Variants in PPFIA2 observed in about 807,000 individuals in gnomAD.
PPFIA2 encodes the protein PPFI scaffold protein A2.
In PPFIA2, 46 loss-of-function variants were observed where a neutral mutation model predicts 175.5. The ratio of observed to expected loss-of-function variants is 0.26; its 90% confidence interval spans 0.21 to 0.34. The LOEUF is 0.34. Ranked by LOEUF, PPFIA2 falls within the 10% of genes least tolerant of loss-of-function variation. PPFIA2 has a pLI of 1.00. For missense variants in PPFIA2, 1,179 were observed against 1,506.1 expected (o/e 0.78, Z 3.60); for synonymous variants, 568 against 511.4 (o/e 1.11, Z -1.49).
At chr12:81,751,917 T>C (rs1252581746) in intron 3 of PPFIA2, among the ~76,000 whole-genome samples, 1 of 151,778 alleles carries the variant, frequency 6.6e-6, no homozygotes, top group Non-Finnish European at 1.5e-5. Flanking sequence ...AATAGTCACC[T>C]TTTTTTTACA....
intron 2 of PPFIA2, among the ~76,000 whole-genome samples, chr12:81,756,801 A>G (rs1466810554): frequency 6.6e-6 from 1 of 152,180 alleles, no homozygotes; most frequent in African/African-American, 2.4e-5. Context: ...TGTAGAAACA[A>G]TATTTTACCT....
intron 18 of PPFIA2, among the ~76,000 whole-genome samples, chr12:81,347,217 C>T (rs74956496): frequency 3.3e-5 from 5 of 151,874 alleles, no homozygotes; most frequent in East Asian, 1.9e-4. Context: ...CCTCCAAAAG[C>T]GCTAGGATTA....
At chr12:81,652,938 C>CT (rs1433509700) in intron 4 of PPFIA2, among the ~76,000 whole-genome samples, 1 of 151,980 alleles carries the variant, frequency 6.6e-6, no homozygotes, top group Non-Finnish European at 1.5e-5. Context: ...CAGTAGTTCC[C>CT]CAGACTTAGG....
chr12:81,451,522 A>G (rs949218034), intron 5 of PPFIA2, among the ~76,000 whole-genome samples: 1 of 152,182 alleles, frequency 6.6e-6, no homozygotes, highest in African/African-American at 2.4e-5. Flanking sequence ...AGACTGTCTG[A>G]AAGCTCAGTT....
At chr12:81,709,306 C>A (rs1452467410) in intron 3 of PPFIA2, among the ~76,000 whole-genome samples, 1 of 152,050 alleles carries the variant, frequency 6.6e-6, no homozygotes, top group Non-Finnish European at 1.5e-5. Flanking sequence ...CACCACTTCC[C>A]CTAATGTAGG....
chr12:81,733,011 C>A (rs918628410), intron 3 of PPFIA2, among the ~76,000 whole-genome samples: 2 of 151,434 alleles, frequency 1.3e-5, no homozygotes, highest in African/African-American at 2.4e-5. Context: ...CAGTAAAAAG[C>A]AAACAACTTT....
chr12:81,376,625 A>G (rs2036426394), intron 9 of PPFIA2, among the ~76,000 whole-genome samples: 1 of 152,208 alleles, frequency 6.6e-6, no homozygotes, highest in African/African-American at 2.4e-5. Flanking sequence ...AATAGAATTT[A>G]TAGATAGTAA....
intron 4 of PPFIA2, among the ~76,000 whole-genome samples, chr12:81,563,724 A>G (rs2070685580): frequency 6.6e-6 from 1 of 152,196 alleles, no homozygotes; most frequent in Non-Finnish European, 1.5e-5. Context: ...AAATCTTAGC[A>G]TCTATGATGA....
Position 81,417,841 on chromosome 12 carries a change from C to T in PPFIA2, c.646-11938G>A, listed in dbSNP as rs570107607. Among the ~76,000 whole-genome samples the T allele has an allele frequency of 1.0e-3, 157 of 151,850 alleles. 1 individual carries two copies. Among genetic ancestry groups the T allele is most frequent in the African/African-American group, 3.3e-3 (139 of 41,536 alleles). ...AGATTTACAGAGAATAGTGATAATT[C>T]TATTTGTCTCCAACAAATTGCCATC... is the stretch of plus-strand genomic sequence containing the variant. On this transcript the variant is annotated intron_variant, in intron 7 of 32. Coordinates refer to ENST00000549396, the MANE Select transcript of PPFIA2 (RefSeq NM_003625.5).
At chr12:81,759,099 C>G (rs1378083396) in intron 1 of PPFIA2, 181 bp downstream of exon 1, 3 of 152,104 alleles carry the variant, frequency 2.0e-5, no homozygotes. Flanking sequence ...GCTCCCGTGT[C>G]TCGTTTCACT....
At position 81,383,745 on chromosome 12, in the gene PPFIA2, G is replaced by T. The variant is rs533519946; in HGVS notation, c.984+278C>A. On this transcript the variant is annotated intron_variant, in intron 9 of 32. Coordinates refer to ENST00000549396, the MANE Select transcript of PPFIA2 (RefSeq NM_003625.5). The stretch of plus-strand genomic sequence containing the variant: ...TATCTAGAGTTATTTAAAATTAAAA[G>T]CTTACATTTAAAAAATTTTATTAAC... Among the ~76,000 whole-genome samples the T allele has an allele frequency of 1.1e-4, 16 of 152,086 alleles. No individual in the cohort carries two copies. The South Asian group carries it at 3.3e-3, about 32-fold the overall frequency.
chr12:81,592,237 A>C (rs1165062383), intron 4 of PPFIA2, among the ~76,000 whole-genome samples: 1 of 152,148 alleles, frequency 6.6e-6, no homozygotes, highest in Non-Finnish European at 1.5e-5. Context: ...GTATTTAGGA[A>C]GTATGCAACT....
chr12:81,399,605 T>C (rs953130514), intron 8 of PPFIA2, among the ~76,000 whole-genome samples: 4 of 152,122 alleles, frequency 2.6e-5, no homozygotes, highest in African/African-American at 7.2e-5. Context: ...GGATAAGCCA[T>C]GGAAGATCCT....
intron 4 of PPFIA2, among the ~76,000 whole-genome samples, chr12:81,608,469 G>T (rs994708159): frequency 7.2e-5 from 11 of 151,972 alleles, no homozygotes; most frequent in African/African-American, 2.7e-4. Flanking sequence ...TTGAACTTCA[G>T]AACTTGTTAT....
At chr12:81,445,223 GGAGAGAGA>G (rs1191653426) in intron 6 of PPFIA2, among the ~76,000 whole-genome samples, 11 of 62,776 alleles carry the variant, frequency 1.8e-4, no homozygotes, top group South Asian at 1.4e-3. Context: ...GGGGGAGGGG[GGAGAGAGA>G]GAGAGAGAGA....
intron 4 of PPFIA2, among the ~76,000 whole-genome samples, chr12:81,661,673 T>G (rs1374640999): frequency 1.3e-5 from 2 of 152,122 alleles, no homozygotes; most frequent in African/African-American, 4.8e-5. Flanking sequence ...ATCCAGGAAT[T>G]GAACTCAGCT....
At chr12:81,526,887 A>C (rs1033585464) in intron 4 of PPFIA2, among the ~76,000 whole-genome samples, 15 of 152,142 alleles carry the variant, frequency 9.9e-5, no homozygotes, top group African/African-American at 2.4e-5. Flanking sequence ...CTCATAACAG[A>C]TTTGTACCTA....
intron 4 of PPFIA2, among the ~76,000 whole-genome samples, chr12:81,529,270 A>G (rs2153275996): frequency 6.6e-6 from 1 of 152,190 alleles, no homozygotes; most frequent in East Asian, 1.9e-4. Context: ...CATGAAGTAT[A>G]AAAACAAAGT....
At position 81,676,878 on chromosome 12, in the gene PPFIA2, T is replaced by G. The variant is rs370032004; in HGVS notation, c.250-34A>C. 6 of 1,479,104 alleles carry G rather than the reference T, an allele frequency of 4.1e-6. No individual in the cohort carries two copies. In the African/African-American group the frequency reaches 5.7e-5, roughly 14 times the overall value. The allele number at this position is 1,479,104 out of a possible 1,614,324, so 91.6% of individuals were successfully genotyped here. ...GGGAGAGGTGTTGATTGTAAAGTGC[T>G]ACTCAACAGCATGAAGAATCCCCCA... On this transcript the variant is annotated intron_variant, in intron 3 of 32. Coordinates refer to ENST00000549396, the MANE Select transcript of PPFIA2 (RefSeq NM_003625.5).
Sources: gnomAD v4.1 joint callset for allele counts (sites outside exome capture counted in the v4.1 genomes callset) on GRCh38, gnomAD v4.1.1 for gene constraint, MANE v1.5 for transcripts, NCBI Gene and HGNC (gene_info 2026-07-23, HGNC 2026-07-21) for gene names.